The following LPA variants were observed in gnomAD, a reference collection of about 807,000 sequenced individuals.
LPA encodes apolipoprotein(a).
LPA carries 199 observed loss-of-function variants against 197.9 expected under a neutral mutation model. The observed-to-expected ratio is 1.01, with a 90% CI of 0.90 to 1.13. LPA has a LOEUF of 1.13. Ranked by LOEUF, LPA falls within the 50% of genes most tolerant of loss-of-function variation. The probability of loss-of-function intolerance (pLI) is 0.00; values close to 1 mark genes in which losing one functional copy is unlikely to be tolerated. For synonymous variants in LPA, 715 were observed against 639.5 expected (o/e 1.12, Z -1.78); for missense variants, 1,853 against 1,785.8 (o/e 1.04, Z -0.68).
At chr6:160,577,014 CA>C in intron 28 of LPA, 121 bp downstream of exon 28, 1 of 1,204,114 alleles carries the variant, frequency 8.3e-7, no homozygotes, top group Middle Eastern at 2.8e-4. Context: ...GGTCCTGAGA[CA>C]TTTTGCCAAA....
At chr6:160,631,725 G>C (rs1222872960) in intron 8 of LPA, among the ~76,000 whole-genome samples, 2 of 149,802 alleles carry the variant, frequency 1.3e-5, no homozygotes, top group Non-Finnish European at 3.0e-5. Context: ...ATGATCCCTT[G>C]AGTTTCACGA....
chr6:160,600,087 C>A (rs1286727299), intron 19 of LPA, among the ~76,000 whole-genome samples: 1 of 152,166 alleles, frequency 6.6e-6, no homozygotes, highest in African/African-American at 2.4e-5. Flanking sequence ...AAAAACCTTG[C>A]ATGTGTCCCT....
At chr6:160,534,976 G>T (rs529887254) in intron 37 of LPA, among the ~76,000 whole-genome samples, 1 of 151,178 alleles carries the variant, frequency 6.6e-6, no homozygotes, top group Non-Finnish European at 1.5e-5. Flanking sequence ...TGATGGTGGT[G>T]CTGGTGATGA....
intron 28 of LPA, among the ~76,000 whole-genome samples, chr6:160,567,811 A>T (rs997846955): frequency 6.6e-6 from 1 of 152,220 alleles, no homozygotes; most frequent in African/African-American, 2.4e-5. Flanking sequence ...GATAAAGGGG[A>T]TATCACTACC....
rs1432616957 is a variant in LPA at position 160,532,573 on chromosome 6, A to G, written c.5919T>C (p.Tyr1973=). The G allele has an allele frequency of 9.9e-6, 16 of 1,613,122 alleles. No homozygotes were observed. The highest frequency in any genetic ancestry group is 1.3e-5 in the African/African-American group (1 of 74,846). The part of the protein sequence containing the change: ...IENEVCNHYK[Y]ICAEHLARGT... ...CTCTGGCCAAATGCTCAGCACAAAT[A>G]TACTTATAGTGATTGCACACTTCAT... The change falls in exon 38 of 39, where the codon TAT becomes TAC. Residue 1973 remains tyrosine (Y), a synonymous_variant. Transcript: ENST00000316300.
Position 160,569,358 on chromosome 6 carries a change from C to T in LPA, c.4631+7778G>A, listed in dbSNP as rs181221505. 3.3e-3 allele frequency among the ~76,000 whole-genome samples: 507 copies of T among 151,720 alleles called. 5 individuals are homozygous for T. The highest frequency in any genetic ancestry group is 0.011 in the African/African-American group (469 of 41,474). On this transcript the variant is annotated intron_variant, in intron 28 of 38. Transcript: ENST00000316300. ...CTACAACCATCTGATCTATGACAAA[C>T]CTGACAAAAACAAGAAATAGGGAAA...
rs578009157 is a variant in LPA, at chr6:160,573,178, T to C, written c.4631+3958A>G. Among the ~76,000 whole-genome samples the C allele has an allele frequency of 2.3e-3, 345 of 152,300 alleles. 1 individual carries two copies. The highest frequency in any genetic ancestry group is 7.9e-3 in the African/African-American group (328 of 41,574). On this transcript the variant is annotated intron_variant, in intron 28 of 38. Coordinates refer to ENST00000316300, the MANE Select transcript of LPA (RefSeq NM_005577.4). Reference sequence around the variant, plus strand: ...GTTGGATTGGGTTAATTTGAAGTCCTTGTCTTTGAGCTCTGAATTTATTTT... The same window carrying C: ...GTTGGATTGGGTTAATTTGAAGTCCCTGTCTTTGAGCTCTGAATTTATTTT...
intron 1 of LPA, among the ~76,000 whole-genome samples, chr6:160,653,933 T>TAC (rs1780050197): frequency 2.1e-5 from 1 of 48,678 alleles, no homozygotes. Context: ...ATAGGATATA[T>TAC]ATATATTTTA....
intron 32 of LPA, among the ~76,000 whole-genome samples, chr6:160,545,944 T>A (rs1778063032): frequency 6.6e-6 from 1 of 152,180 alleles, no homozygotes; most frequent in Admixed American, 6.5e-5. Flanking sequence ...TTCCATGCAT[T>A]ATGCACCATC....
At chr6:160,539,904 G>C in intron 36 of LPA, 139 bp downstream of exon 36, 1 of 1,136,844 alleles carries the variant, frequency 8.8e-7, no homozygotes, top group Non-Finnish European at 1.3e-6. Context: ...GAAGATTGAT[G>C]CTGTCCCCAA....
chr6:160,650,363 T>C lies in LPA; in HGVS notation c.184A>G (p.Arg62Gly), dbSNP rs771863444. Reference protein sequence around the residue: ...WSSMTPHQHNRTTENYPNAGL... With the variant: ...WSSMTPHQHNGTTENYPNAGL... Reference sequence around the variant, plus strand: ...GCATTTGGGTAGTTTTCTGTGGTCCTATTATGTTGATGTGGTGTCATAGAT... The same window carrying C: ...GCATTTGGGTAGTTTTCTGTGGTCCCATTATGTTGATGTGGTGTCATAGAT... Residue 62 changes from arginine (R) to glycine (G), a missense_variant, in exon 2 of 39, where the codon AGG (arginine) becomes GGG (glycine). Transcript: ENST00000316300. The C allele has an allele frequency of 2.5e-6, 4 of 1,613,834 alleles. No homozygotes were observed. The South Asian group carries it at 3.3e-5, about 13-fold the overall frequency.
At chr6:160,596,668 A>G (rs1779138807) in intron 20 of LPA, among the ~76,000 whole-genome samples, 2 of 152,190 alleles carry the variant, frequency 1.3e-5, no homozygotes, top group African/African-American at 4.8e-5. Context: ...AAAAGGGCCA[A>G]TAGCATCTTA....
intron 1 of LPA, among the ~76,000 whole-genome samples, chr6:160,662,160 C>A (rs1294135539): frequency 6.6e-6 from 1 of 152,082 alleles, no homozygotes; most frequent in Non-Finnish European, 1.5e-5. Context: ...GCTCATATGG[C>A]AATGGGGATT....
chr6:160,615,352 T>TTGTGTGTGTG (rs370743567), intron 14 of LPA, among the ~76,000 whole-genome samples: 3 of 122,298 alleles, frequency 2.5e-5, no homozygotes, highest in South Asian at 2.7e-4. Context: ...TGTTTTCAGT[T>TTGTGTGTGTG]TGTGTGTGTG....
Position 160,647,187 on chromosome 6 carries a change from G to A in LPA, c.210-792C>T, listed in dbSNP as rs575005980. Among the ~76,000 whole-genome samples the A allele has an allele frequency of 4.1e-4, 62 of 152,236 alleles. No homozygotes were observed. The East Asian group carries it at 0.01, about 25-fold the overall frequency. Reference sequence around the variant, plus strand: ...CTGGGGGATGAGTTGAAAGAACAGTGGGTCCCATGGCATAAAGGAAGATGG... The same window carrying A: ...CTGGGGGATGAGTTGAAAGAACAGTAGGTCCCATGGCATAAAGGAAGATGG... On this transcript the variant is annotated intron_variant, in intron 2 of 38. Coordinates refer to ENST00000316300, the MANE Select transcript of LPA (RefSeq NM_005577.4).
At chr6:160,604,069 T>C (rs111366150) in intron 18 of LPA, among the ~76,000 whole-genome samples, 5 of 152,314 alleles carry the variant, frequency 3.3e-5, no homozygotes, top group African/African-American at 1.2e-4. Context: ...TCTGGGCACA[T>C]GCAACGTCAT....
intron 2 of LPA, among the ~76,000 whole-genome samples, chr6:160,648,249 C>T (rs1371478085): frequency 1.3e-5 from 2 of 152,108 alleles, no homozygotes; most frequent in African/African-American, 4.8e-5. Flanking sequence ...TTGTTTTTCC[C>T]GTTCCTTACG....
rs201621981 is a variant in LPA at position 160,548,613 on chromosome 6, G to T, written c.5020C>A (p.Pro1674Thr). ...YCRNPDADTG[P>T]WCFTMDPSIR... ...CTGGGGTCCATGGTAAAACACCAAGGGCCTGTATCGGCATCTGGATTCCTG... is the reference window on the plus strand; with the variant it reads ...CTGGGGTCCATGGTAAAACACCAAGTGCCTGTATCGGCATCTGGATTCCTG... Residue 1674 changes from proline to threonine, a missense_variant, in exon 31 of 39, where the codon CCT becomes ACT. By Grantham distance (38) the Pro-to-Thr change is conservative. This residue lies in a region of LPA where 1,737 missense variants were observed against 1,504.4 expected (regional missense o/e 1.15). Coordinates refer to ENST00000316300, the MANE Select transcript of LPA (RefSeq NM_005577.4). 6.2e-6 allele frequency: 10 copies of T among 1,614,062 alleles called. No homozygotes were observed. Among genetic ancestry groups the T allele is most frequent in the Non-Finnish European group, 8.5e-6 (10 of 1,180,018 alleles).
intron 26 of LPA, among the ~76,000 whole-genome samples, chr6:160,582,209 G>T (rs942363670): frequency 9.9e-5 from 15 of 151,530 alleles, no homozygotes; most frequent in African/African-American, 3.1e-4. Context: ...TTTCTGACTT[G>T]ATCTTTTTTT....
Sources: allele counts gnomAD v4.1 joint callset (sites outside exome capture counted in the v4.1 genomes callset), GRCh38; gene constraint gnomAD v4.1.1; regional missense constraint gnomAD v4.1.1; transcripts MANE v1.5; gene names NCBI Gene and HGNC (gene_info 2026-07-23, HGNC 2026-07-21).